NR2F2: variants seen among roughly 807,000 people sequenced by gnomAD.
NR2F2 encodes COUP transcription factor 2.
A neutral mutation model predicts 34.8 loss-of-function variants in NR2F2; 2 were observed. The ratio of observed to expected loss-of-function variants is 0.06; its 90% CI spans 0.02 to 0.18. The LOEUF (loss-of-function observed/expected upper bound fraction) is 0.18, where lower values mean the gene tolerates loss of function less well. Ranked by LOEUF, NR2F2 falls within the 10% of genes least tolerant of loss-of-function variation. NR2F2 has a pLI of 1.00. For missense variants in NR2F2, 300 were observed against 580.1 expected, an observed-to-expected ratio of 0.52 and a Z score of 4.96; for synonymous variants, 274 against 251.8, an observed-to-expected ratio of 1.09 and a Z score of -0.84.
In NR2F2 at chr15:96,331,274, C is replaced by T; in HGVS notation, c.-832C>T. 1 of 1,012,546 alleles carries T rather than the reference C, an allele frequency of 9.9e-7. No individual in the cohort carries two copies. The highest frequency in any genetic ancestry group is 1.2e-6 in the Non-Finnish European group (1 of 849,824). 62.7% of individuals were successfully genotyped at this position (1,012,546 alleles called of 1,614,324 possible). A position where few individuals can be genotyped will look rare whatever the true frequency, so the allele number is the denominator to read the frequency against. On this transcript the variant is annotated 5_prime_UTR_variant, in exon 1 of 3. Transcript: ENST00000394166. ...AGAGAGCGAGGCGCGCGCCGGACGCCCGGGGCAGGCGGCGGCGGCGGCGGC... is the reference window on the plus strand; with the variant it reads ...AGAGAGCGAGGCGCGCGCCGGACGCTCGGGGCAGGCGGCGGCGGCGGCGGC...
In NR2F2 at chr15:96,331,692, T is replaced by G. The variant is rs1899148623; in HGVS notation, c.-414T>G. 4.1e-6 allele frequency: 2 copies of G among 484,562 alleles called. No individual in the cohort carries two copies. Among genetic ancestry groups the G allele is most frequent in the African/African-American group, 2.3e-5 (1 of 43,756 alleles). 30.0% of individuals were successfully genotyped at this position (484,562 alleles called of 1,614,324 possible). Reference sequence around the variant, plus strand: ...AGAGCGAGCGAGATCTTTGGAGAGATTTTTTTTTTTGCCTCCTACTTCTGT... The same window carrying G: ...AGAGCGAGCGAGATCTTTGGAGAGAGTTTTTTTTTTGCCTCCTACTTCTGT... On this transcript the variant is annotated 5_prime_UTR_variant, in exon 1 of 3. Coordinates refer to ENST00000394166, the MANE Select transcript of NR2F2 (RefSeq NM_021005.4).
Position 96,338,352 on chromosome 15 carries a change from C to T in NR2F2, c.*730C>T, listed in dbSNP as rs909576795. 1 of 152,462 alleles carries T rather than the reference C, an allele frequency of 6.6e-6. No individual in the cohort carries two copies. Among genetic ancestry groups the T allele is most frequent in the Non-Finnish European group, 1.5e-5 (1 of 68,026 alleles). 9.4% of individuals were successfully genotyped at this position (152,462 alleles called of 1,614,324 possible). On this transcript the variant is annotated 3_prime_UTR_variant, in exon 3 of 3. Coordinates refer to ENST00000394166, the MANE Select transcript of NR2F2 (RefSeq NM_021005.4). ...CTCCCCAAAAGAAACCATGACAAAC[C>T]TAGCTTTTAAAAAATATTTTAAGAA...
In NR2F2 at chr15:96,334,474, T is replaced by A. The variant is rs899050920; in HGVS notation, c.841T>A (p.Ser281Thr). 4 of 1,613,908 alleles carry A rather than the reference T, an allele frequency of 2.5e-6. No homozygotes were observed. Among genetic ancestry groups the A allele is most frequent in the Admixed American group, 1.7e-5 (1 of 60,010 alleles). ...CGCCGGCCTGCATGCTTCGCCCATG[T>A]CCGCCGACCGGGTGGTCGCCTTTAT... is the stretch of plus-strand genomic sequence containing the variant. ...AAAGLHASPMSADRVVAFMDH... is the reference protein window; with the variant it reads ...AAAGLHASPMTADRVVAFMDH... Residue 281 changes from serine to threonine, a missense_variant, in exon 2 of 3, where the codon TCC becomes ACC. Physicochemically the swap from Ser to Thr is moderately conservative, Grantham distance 58. Around this residue, in one of 6 missense-constraint regions of NR2F2, gnomAD observed 164 missense variants for 365.3 expected, o/e 0.45. Coordinates refer to ENST00000394166, the MANE Select transcript of NR2F2 (RefSeq NM_021005.4).
upstream of NR2F2, among the ~76,000 whole-genome samples, chr15:96,328,913 C>G (rs563635688): frequency 9.5e-4 from 144 of 152,250 alleles, no homozygotes; most frequent in Non-Finnish European, 1.6e-3. Context: ...CAGCCCCTAT[C>G]TGCCCAGATC....
At position 96,332,051 on chromosome 15, in the gene NR2F2, C is replaced by CCCT. The variant is rs2141166527; in HGVS notation, c.-53_-52insTCC. ...CCGAGACCCGGGGAGCCGCCGCCGC[C>CCCT]CCGCCGCCGCCCGCAGCCAGGGGAG... On this transcript the variant is annotated 5_prime_UTR_variant, in exon 1 of 3. Transcript: ENST00000394166. 7.9e-7 allele frequency: 1 copy of CCCT among 1,259,138 alleles called. No homozygotes were observed. The highest frequency in any genetic ancestry group is 3.0e-5 in the South Asian group (1 of 33,532). 78.0% of individuals were successfully genotyped at this position (1,259,138 alleles called of 1,614,324 possible). A position where few individuals can be genotyped will look rare whatever the true frequency, so the allele number is the denominator to read the frequency against.
Position 96,331,620 on chromosome 15 carries a change from C to A in NR2F2, c.-486C>A. On this transcript the variant is annotated 5_prime_UTR_variant, in exon 1 of 3. Transcript: ENST00000394166. Reference sequence around the variant, plus strand: ...CTCCTCCGCCAACTCCTCGGCTGCACACCAGCTCTAAGAGCGAGAGTGAAC... The same window carrying A: ...CTCCTCCGCCAACTCCTCGGCTGCAAACCAGCTCTAAGAGCGAGAGTGAAC... 1 of 1,191,412 alleles carries A rather than the reference C, an allele frequency of 8.4e-7. No individual in the cohort carries two copies. Among genetic ancestry groups the A allele is most frequent in the Non-Finnish European group, 1.0e-6 (1 of 953,726 alleles). 73.8% of individuals were successfully genotyped at this position (1,191,412 alleles called of 1,614,324 possible). A position where few individuals can be genotyped will look rare whatever the true frequency, so the allele number is the denominator to read the frequency against.
Position 96,330,815 on chromosome 15 carries a change from TGC to T in NR2F2, c.-1289_-1288del. 9.9e-6 allele frequency: 11 copies of T among 1,107,594 alleles called. No homozygotes were observed. The highest frequency in any genetic ancestry group is 1.6e-5 in the African/African-American group (1 of 60,746). 68.6% of individuals were successfully genotyped at this position (1,107,594 alleles called of 1,614,324 possible). Reference sequence around the variant, plus strand: ...TTCTTTTCTCTCCGCGGTGTGTGTGTGCGTGCGCGCGTGTGTGTTTTCTTCTT... The same window carrying T: ...TTCTTTTCTCTCCGCGGTGTGTGTGTGTGCGCGCGTGTGTGTTTTCTTCTT... On this transcript the variant is annotated 5_prime_UTR_variant, in exon 1 of 3. Transcript: ENST00000394166.
chr15:96,330,865 GCCT>G lies in NR2F2; in HGVS notation c.-1237_-1235del. The G allele has an allele frequency of 8.6e-7, 1 of 1,158,388 alleles. No homozygotes were observed. The highest frequency in any genetic ancestry group is 1.1e-6 in the Non-Finnish European group (1 of 940,340). 71.8% of individuals were successfully genotyped at this position (1,158,388 alleles called of 1,614,324 possible). A position where few individuals can be genotyped will look rare whatever the true frequency, so the allele number is the denominator to read the frequency against. On this transcript the variant is annotated 5_prime_UTR_variant, in exon 1 of 3. Coordinates refer to ENST00000394166, the MANE Select transcript of NR2F2 (RefSeq NM_021005.4). ...CTTCTCCTCCTCCTCTCCCCGAGTT[GCCT>G]CCTTTCTCCGGGTGCCGTACTGCCT... is the stretch of plus-strand genomic sequence containing the variant.
rs957280962 is a variant in NR2F2 at position 96,339,796 on chromosome 15, G to A, written c.*2174G>A. On this transcript the variant is annotated 3_prime_UTR_variant, in exon 3 of 3. Transcript: ENST00000394166. ...AGCTTGCAATTTTGTTCTTATTCAAGGTTTCCAACCCACCCCCCCACCGCC... is the reference window on the plus strand; with the variant it reads ...AGCTTGCAATTTTGTTCTTATTCAAAGTTTCCAACCCACCCCCCCACCGCC... 3.3e-5 allele frequency: 5 copies of A among 151,896 alleles called. No individual in the cohort carries two copies. The East Asian group carries it at 9.6e-4, about 29-fold the overall frequency. The allele number at this position is 151,896 out of a possible 1,614,324, so 9.4% of individuals were successfully genotyped here.
In NR2F2 at chr15:96,339,863, G is replaced by GT. The variant is rs1899451282; in HGVS notation, c.*2241_*2242insT. 6.6e-6 allele frequency: 1 copy of GT among 151,940 alleles called. No homozygotes were observed. Among genetic ancestry groups the GT allele is most frequent in the Non-Finnish European group, 1.5e-5 (1 of 67,978 alleles). The allele number at this position is 151,940 out of a possible 1,614,324, so 9.4% of individuals were successfully genotyped here. On this transcript the variant is annotated 3_prime_UTR_variant, in exon 3 of 3. Coordinates refer to ENST00000394166, the MANE Select transcript of NR2F2 (RefSeq NM_021005.4). Reference sequence around the variant, plus strand: ...GTGGTTTAATTCTAATTGGTGGGGGGGGGGGAGGACTAGTGAGGGAGGTGA... The same window carrying GT: ...GTGGTTTAATTCTAATTGGTGGGGGGTGGGGGAGGACTAGTGAGGGAGGTGA...
rs143229128 is a variant in NR2F2 at position 96,336,238 on chromosome 15, C to T, written c.971-1110C>T. 4.6e-3 allele frequency among the ~76,000 whole-genome samples: 706 copies of T among 152,154 alleles called. 10 individuals carry two copies. The highest frequency in any genetic ancestry group is 0.016 in the African/African-American group (656 of 41,520). On this transcript the variant is annotated intron_variant, in intron 2 of 2. Coordinates refer to ENST00000394166, the MANE Select transcript of NR2F2 (RefSeq NM_021005.4). The stretch of plus-strand genomic sequence containing the variant: ...GGAGGCCTGTGTGGAGAATGCAAAT[C>T]GCCTCACAAAGAGATAAAGGTTCCT...
chr15:96,331,427 G>A lies in NR2F2; in HGVS notation c.-679G>A. On this transcript the variant is annotated 5_prime_UTR_variant, in exon 1 of 3. Transcript: ENST00000394166. ...CCGCCCCGGCCTGCCTGGCTCCCTG[G>A]GCGCGCCCGCACCCGGCGCCTCCGA... 1 of 1,231,616 alleles carries A rather than the reference G, an allele frequency of 8.1e-7. No homozygotes were observed. The highest frequency in any genetic ancestry group is 1.0e-6 in the Non-Finnish European group (1 of 988,354). The allele number at this position is 1,231,616 out of a possible 1,614,324, so 76.3% of individuals were successfully genotyped here. A position where few individuals can be genotyped will look rare whatever the true frequency, so the allele number is the denominator to read the frequency against.
At position 96,334,471 on chromosome 15, in the gene NR2F2, A is replaced by C. The variant is rs1286129184; in HGVS notation, c.838A>C (p.Met280Leu). 2.5e-6 allele frequency: 4 copies of C among 1,613,826 alleles called. No homozygotes were observed. The South Asian group carries it at 4.4e-5, about 18-fold the overall frequency. Residue 280 changes from methionine to leucine, a missense_variant, in exon 2 of 3, where the codon ATG (methionine) becomes CTG (leucine). Transcript: ENST00000394166. ...CGCCGCCGGCCTGCATGCTTCGCCC[A>C]TGTCCGCCGACCGGGTGGTCGCCTT... The part of the protein sequence containing the change: ...LAAAGLHASP[M>L]SADRVVAFMD...
upstream of NR2F2, among the ~76,000 whole-genome samples, chr15:96,327,664 G>C (rs183246402): frequency 5.3e-5 from 8 of 152,192 alleles, no homozygotes; most frequent in South Asian, 2.1e-4. Flanking sequence ...ACTAGATTGA[G>C]GGAAAGGAGG....
rs1899150042 is a variant in NR2F2, at chr15:96,331,745, C to A, written c.-361C>A. The A allele has an allele frequency of 1.4e-5, 15 of 1,057,504 alleles. No homozygotes were observed. The South Asian group carries it at 5.9e-4, about 42-fold the overall frequency. 65.5% of individuals were successfully genotyped at this position (1,057,504 alleles called of 1,614,324 possible). On this transcript the variant is annotated 5_prime_UTR_variant, in exon 1 of 3. Transcript: ENST00000394166. ...TGAAGCCAGACAATCGACTTCAGCT[C>A]TCCCTCCCCTCCCTCTTTCTCCACG... is the stretch of plus-strand genomic sequence containing the variant.
At chr15:96,333,751 A>C in intron 1 of NR2F2, 1 of 1,330,876 alleles carries the variant, frequency 7.5e-7, no homozygotes, top group East Asian at 2.8e-5. Context: ...GCAGTAAAGA[A>C]GAAAGATGCC....
Position 96,337,640 on chromosome 15 carries a change from G to C in NR2F2, c.*18G>C, listed in dbSNP as rs188720095. The C allele has an allele frequency of 3.0e-4, 480 of 1,606,610 alleles. No individual in the cohort carries two copies. The highest frequency in any genetic ancestry group is 8.3e-4 in the Admixed American group (49 of 59,370). ...TTCAATAAATAAATAAAATAAGAAG[G>C]GGGAGTGAAACAGAGAAAGAAAAGG... is the stretch of plus-strand genomic sequence containing the variant. On this transcript the variant is annotated 3_prime_UTR_variant, in exon 3 of 3. Coordinates refer to ENST00000394166, the MANE Select transcript of NR2F2 (RefSeq NM_021005.4).
upstream of NR2F2, among the ~76,000 whole-genome samples, chr15:96,328,947 C>T (rs1196667850): frequency 6.6e-6 from 1 of 152,090 alleles, no homozygotes; most frequent in Non-Finnish European, 1.5e-5. Flanking sequence ...TCATATTCTG[C>T]CTATGTGTGT....
In NR2F2 at chr15:96,331,046, G is replaced by GGCGGCGGCAGCAGCAGCAGCA. The variant is rs1899122404; in HGVS notation, c.-1054_-1034dup. The GGCGGCGGCAGCAGCAGCAGCA allele has an allele frequency of 8.1e-7, 1 of 1,241,770 alleles. No homozygotes were observed. 76.9% of individuals were successfully genotyped at this position (1,241,770 alleles called of 1,614,324 possible). A position where few individuals can be genotyped will look rare whatever the true frequency, so the allele number is the denominator to read the frequency against. ...GACTCTTTCCCTATGTGTGTGAGGC[G>GGCGGCGGCAGCAGCAGCAGCA]GCGGCGGCAGCAGCAGCAGCAGCGG... On this transcript the variant is annotated 5_prime_UTR_variant, in exon 1 of 3. Transcript: ENST00000394166.
Sources: allele counts gnomAD v4.1 joint callset (sites outside exome capture counted in the v4.1 genomes callset), GRCh38; gene constraint gnomAD v4.1.1; regional missense constraint gnomAD v4.1.1; transcripts MANE v1.5; gene names NCBI Gene and HGNC (gene_info 2026-07-23, HGNC 2026-07-21).